Variants in BTRC observed in about 807,000 individuals in gnomAD.
The protein encoded by BTRC is beta-transducin repeat containing E3 ubiquitin protein ligase.
Under a neutral mutation model 85.5 loss-of-function variants are expected in BTRC, and 42 were observed. That is an observed-to-expected ratio of 0.49 (90% CI 0.38 to 0.64). The LOEUF is 0.64. BTRC is among the 30% of genes least tolerant of loss of function. The pLI, the probability that BTRC is intolerant of heterozygous loss-of-function variation, is 0.00. For missense variants in BTRC, 594 were observed against 743.5 expected, an observed-to-expected ratio of 0.80 and a Z score of 2.34; for synonymous variants, 255 against 263.3, an observed-to-expected ratio of 0.97 and a Z score of 0.30.
intron 1 of BTRC, among the ~76,000 whole-genome samples, chr10:101,405,297 A>G (rs1218075351): frequency 6.6e-6 from 1 of 151,630 alleles, no homozygotes; most frequent in East Asian, 1.9e-4. Flanking sequence ...TTTTAGGATC[A>G]CAACTCCTCT....
intron 4 of BTRC, among the ~76,000 whole-genome samples, chr10:101,510,941 A>T (rs1946686720): frequency 6.6e-6 from 1 of 152,060 alleles, no homozygotes; most frequent in African/African-American, 2.4e-5. Flanking sequence ...CTTCTAATTG[A>T]TCTTTCTTCC....
intron 13 of BTRC, among the ~76,000 whole-genome samples, chr10:101,550,315 C>T (rs2062629714): frequency 6.6e-6 from 1 of 151,628 alleles, no homozygotes; most frequent in Admixed American, 6.6e-5. Context: ...GACAGAGTCT[C>T]ACTCTGTTGC....
chr10:101,508,640 C>T (rs1453013942), intron 4 of BTRC, among the ~76,000 whole-genome samples: 1 of 152,112 alleles, frequency 6.6e-6, no homozygotes, highest in Non-Finnish European at 1.5e-5. Flanking sequence ...GTAGGCTGGG[C>T]GTGGTGGCTC....
intron 14 of BTRC, 84 bp downstream of exon 14, chr10:101,550,975 T>C (rs1265768200): frequency 3.1e-6 from 4 of 1,311,082 alleles, no homozygotes; most frequent in Admixed American, 2.3e-5. Flanking sequence ...TGGAACTTTC[T>C]CCTGCCGTTT....
chr10:101,508,803 A>G (rs987493179), intron 4 of BTRC, among the ~76,000 whole-genome samples: 1 of 151,112 alleles, frequency 6.6e-6, no homozygotes, highest in Admixed American at 6.6e-5. Context: ...AGTCCCAGCT[A>G]CTGGGGAGGC....
Position 101,404,167 on chromosome 10 carries a change from A to G in BTRC, c.49-26178A>G, listed in dbSNP as rs571404613. On this transcript the variant is annotated intron_variant, in intron 1 of 14. Coordinates refer to ENST00000370187, the MANE Select transcript of BTRC (RefSeq NM_033637.4). ...TGCCTCAGCCTCTCGAGTAGCTGGG[A>G]CTACAGGTGCCCGCCATCATGCCTG... 2.0e-5 allele frequency among the ~76,000 whole-genome samples: 3 copies of G among 149,724 alleles called. No homozygotes were observed. The South Asian group carries it at 6.3e-4, about 32-fold the overall frequency.
intron 1 of BTRC, among the ~76,000 whole-genome samples, chr10:101,362,481 C>T (rs1021738675): frequency 4.0e-5 from 6 of 151,780 alleles, no homozygotes; most frequent in African/African-American, 4.8e-5. Context: ...CAGCAACCTC[C>T]GCCTCCCGGG....
At chr10:101,479,578 C>A in intron 4 of BTRC, 121 bp downstream of exon 4, 3 of 658,930 alleles carry the variant, frequency 4.6e-6, no homozygotes, top group Non-Finnish European at 4.8e-6. Context: ...GAAAAAAATA[C>A]AAACAGGCAT....
intron 1 of BTRC, among the ~76,000 whole-genome samples, chr10:101,414,444 A>G (rs759385406): frequency 6.6e-6 from 1 of 152,240 alleles, no homozygotes; most frequent in Non-Finnish European, 1.5e-5. Flanking sequence ...TATTATGTAC[A>G]GTACATAATA....
At chr10:101,492,600 T>C (rs1946161682) in intron 4 of BTRC, among the ~76,000 whole-genome samples, 1 of 152,244 alleles carries the variant, frequency 6.6e-6, no homozygotes, top group Non-Finnish European at 1.5e-5. Context: ...ATATTTATTT[T>C]TGTAGTATTA....
intron 1 of BTRC, among the ~76,000 whole-genome samples, chr10:101,392,450 A>T (rs893457272): frequency 9.2e-5 from 14 of 152,208 alleles, no homozygotes; most frequent in African/African-American, 2.9e-4. Context: ...AAAAAATTTT[A>T]AAGATTATTT....
chr10:101,384,385 G>A lies in BTRC; in HGVS notation c.48+30157G>A, dbSNP rs192519681. 1.7e-4 allele frequency among the ~76,000 whole-genome samples: 26 copies of A among 152,224 alleles called. No homozygotes were observed. The East Asian group carries it at 4.4e-3, about 26-fold the overall frequency. ...TTCCGAATAAAAAGTTTAATTTCAC[G>A]CCCTGATTAGTGCCAGTACGTGCAG... On this transcript the variant is annotated intron_variant, in intron 1 of 14. Transcript: ENST00000370187.
At chr10:101,455,983 A>AACACACACACACACACACACACACAC (rs745628596) in intron 2 of BTRC, among the ~76,000 whole-genome samples, 4,757 of 95,818 alleles carry the variant, frequency 0.05, 333 homozygotes, top group African/African-American at 0.053. Context: ...CTCTACTAAA[A>AACACACACACACACACACACACACAC]ACACACACAC....
chr10:101,521,289 G>A (rs895614176), intron 4 of BTRC, among the ~76,000 whole-genome samples: 2 of 152,144 alleles, frequency 1.3e-5, no homozygotes, highest in African/African-American at 4.8e-5. Flanking sequence ...AAAGTTGTGA[G>A]CAAGTAATTG....
chr10:101,385,615 C>CTTTTTTT (rs146804594), intron 1 of BTRC, among the ~76,000 whole-genome samples: 35 of 48,882 alleles, frequency 7.2e-4, no homozygotes, highest in African/African-American at 1.4e-3. Flanking sequence ...CTTTCTTCTT[C>CTTTTTTT]TTCTTTTTTT....
intron 1 of BTRC, among the ~76,000 whole-genome samples, chr10:101,388,159 T>C (rs1943133431): frequency 6.6e-6 from 1 of 152,056 alleles, no homozygotes; most frequent in Admixed American, 6.5e-5. Context: ...CTAGGAAAGA[T>C]GGCTTTCTTT....
chr10:101,354,127 C>G, upstream of BTRC: 1 of 1,544,626 alleles, frequency 6.5e-7, no homozygotes, highest in Non-Finnish European at 8.7e-7. Context: ...TGGCTGCGGC[C>G]TGGCACCAAA....
At chr10:101,416,303 C>G (rs1463694216) in intron 1 of BTRC, among the ~76,000 whole-genome samples, 1 of 151,940 alleles carries the variant, frequency 6.6e-6, no homozygotes, top group Non-Finnish European at 1.5e-5. Context: ...GCCTTTTCCC[C>G]TGGTTTTTGT....
At chr10:101,451,718 C>T (rs529650629) in intron 2 of BTRC, among the ~76,000 whole-genome samples, 51 of 152,068 alleles carry the variant, frequency 3.4e-4, no homozygotes, top group Non-Finnish European at 6.5e-4. Flanking sequence ...CAATAGGCAC[C>T]GTATGGCAGA....
Sources: allele counts gnomAD v4.1 joint callset (sites outside exome capture counted in the v4.1 genomes callset), GRCh38; gene constraint gnomAD v4.1.1; transcripts MANE v1.5; gene names NCBI Gene and HGNC (gene_info 2026-07-23, HGNC 2026-07-21).